The following ARHGAP26 variants were observed in gnomAD, a reference collection of about 807,000 sequenced individuals.
ARHGAP26 encodes rho GTPase-activating protein 26.
ARHGAP26 carries 38 observed loss-of-function variants against 104.8 expected under a neutral mutation model. The ratio of observed to expected loss-of-function variants is 0.36; its 90% CI spans 0.28 to 0.48. The LOEUF (loss-of-function observed/expected upper bound fraction) is 0.48, where lower values mean the gene tolerates loss of function less well. ARHGAP26 is among the 20% of genes least tolerant of loss of function. The pLI, the probability that ARHGAP26 is intolerant of heterozygous loss-of-function variation, is 0.99. For missense variants in ARHGAP26, 704 were observed against 947.9 expected (o/e 0.74, Z 3.38); for synonymous variants, 341 against 340.0 (o/e 1.00, Z -0.03).
chr5:142,912,424 A>G (rs1761952540), intron 9 of ARHGAP26, among the ~76,000 whole-genome samples: 2 of 152,200 alleles, frequency 1.3e-5, no homozygotes, highest in African/African-American at 4.8e-5. Flanking sequence ...GGAGGGATGG[A>G]TTGCCAGGGG....
In ARHGAP26 at chr5:142,807,992, T is replaced by C. The variant is rs372864388; in HGVS notation, c.154+37077T>C. On this transcript the variant is annotated intron_variant, in intron 1 of 22. Coordinates refer to ENST00000645722, the MANE Select transcript of ARHGAP26 (RefSeq NM_001135608.3). ...GGCTCACGCCTGTAATCCCAGCACT[T>C]TGGGAGGCCGAGGCGGGCGGATCAC... 8.6e-4 allele frequency among the ~76,000 whole-genome samples: 131 copies of C among 152,132 alleles called. No homozygotes were observed. In the South Asian group the frequency reaches 0.024, roughly 28 times the overall value.
At chr5:142,857,240 AT>A (rs1323250194) in intron 1 of ARHGAP26, among the ~76,000 whole-genome samples, 3 of 152,204 alleles carry the variant, frequency 2.0e-5, no homozygotes, top group African/African-American at 7.2e-5. Context: ...ATAAAGTCAC[AT>A]TCTGAGGTTC....
chr5:143,047,880 T>C (rs973870059), intron 14 of ARHGAP26, among the ~76,000 whole-genome samples: 1 of 151,962 alleles, frequency 6.6e-6, no homozygotes, highest in Admixed American at 6.6e-5. Flanking sequence ...GTGCAGTGGC[T>C]AAGTGTTGGC....
intron 11 of ARHGAP26, among the ~76,000 whole-genome samples, chr5:142,962,241 A>G (rs1410277761): frequency 1.3e-5 from 2 of 152,360 alleles, no homozygotes; most frequent in Non-Finnish European, 2.9e-5. Flanking sequence ...TTACCTTGAC[A>G]AATTTGAAAT....
chr5:142,997,576 ATT>A (rs34395064), intron 11 of ARHGAP26, among the ~76,000 whole-genome samples: 285 of 120,654 alleles, frequency 2.4e-3, no homozygotes, highest in East Asian at 6.9e-3. Flanking sequence ...TGCCTGGCTG[ATT>A]TTTTTTTTTT....
chr5:143,060,140 G>A (rs927514241), intron 17 of ARHGAP26, among the ~76,000 whole-genome samples: 1 of 152,172 alleles, frequency 6.6e-6, no homozygotes, highest in African/African-American at 2.4e-5. Context: ...GTTTTCTCAG[G>A]TTTAGACTTA....
intron 11 of ARHGAP26, among the ~76,000 whole-genome samples, chr5:142,987,223 T>A (rs996681352): frequency 6.6e-6 from 1 of 152,162 alleles, no homozygotes; most frequent in Non-Finnish European, 1.5e-5. Context: ...CCCTTGTAAG[T>A]TGGATTCCTA....
intron 13 of ARHGAP26, among the ~76,000 whole-genome samples, chr5:143,038,289 AAG>A (rs1315074249): frequency 2.0e-5 from 3 of 152,134 alleles, no homozygotes; most frequent in African/African-American, 7.2e-5. Context: ...AAGTAGAGGG[AAG>A]AGAGAGAATT....
In ARHGAP26 at chr5:143,037,191, T is replaced by C; in HGVS notation, c.1145-5T>C. On this transcript the variant is annotated splice_region_variant and splice_polypyrimidine_tract_variant and intron_variant, in intron 12 of 22. Coordinates refer to ENST00000645722, the MANE Select transcript of ARHGAP26 (RefSeq NM_001135608.3). ...AACTTGACTGTCCTTCTCTTGCTCT[T>C]TCAGCTGCGCAGTTGGACAGCATTG... is the stretch of plus-strand genomic sequence containing the variant. 6.3e-7 allele frequency: 1 copy of C among 1,599,170 alleles called. No homozygotes were observed. Among genetic ancestry groups the C allele is most frequent in the Non-Finnish European group, 8.6e-7 (1 of 1,168,692 alleles).
intron 20 of ARHGAP26, among the ~76,000 whole-genome samples, chr5:143,194,940 T>C (rs1334066064): frequency 6.6e-6 from 1 of 152,138 alleles, no homozygotes; most frequent in Non-Finnish European, 1.5e-5. Context: ...ATGGTCACGC[T>C]GAAGGAGCAG....
chr5:142,888,053 C>G (rs1393636715), intron 5 of ARHGAP26, among the ~76,000 whole-genome samples: 2 of 152,166 alleles, frequency 1.3e-5, no homozygotes, highest in African/African-American at 4.8e-5. Flanking sequence ...TCAATAGCAA[C>G]TATAATATAG....
At chr5:143,096,141 T>C (rs997492519) in intron 17 of ARHGAP26, among the ~76,000 whole-genome samples, 5 of 152,262 alleles carry the variant, frequency 3.3e-5, no homozygotes, top group African/African-American at 4.8e-5. Context: ...CTTTTACTTA[T>C]GCATGATTTT....
intron 1 of ARHGAP26, among the ~76,000 whole-genome samples, chr5:142,802,893 T>C (rs924863072): frequency 3.3e-5 from 5 of 152,126 alleles, no homozygotes; most frequent in African/African-American, 7.2e-5. Context: ...ACCTGTAAAG[T>C]AGAGAAAATA....
At chr5:142,847,822 G>A (rs1399237313) in intron 1 of ARHGAP26, among the ~76,000 whole-genome samples, 1 of 152,246 alleles carries the variant, frequency 6.6e-6, no homozygotes, top group Non-Finnish European at 1.5e-5. Flanking sequence ...TGGAGGTTTG[G>A]CCCATCTGGA....
At chr5:142,831,528 C>T (rs928533315) in intron 1 of ARHGAP26, among the ~76,000 whole-genome samples, 5 of 152,290 alleles carry the variant, frequency 3.3e-5, no homozygotes, top group South Asian at 2.1e-4. Context: ...ACATCCATTT[C>T]CAACTGCATG....
At chr5:142,813,166 C>T (rs1207849896) in intron 1 of ARHGAP26, among the ~76,000 whole-genome samples, 1 of 152,122 alleles carries the variant, frequency 6.6e-6, no homozygotes, top group African/African-American at 2.4e-5. Flanking sequence ...TGGTCTTGAT[C>T]TCCTGACCTC....
intron 2 of ARHGAP26, 54 bp downstream of exon 2, chr5:142,873,549 A>G (rs1038258366): frequency 5.5e-6 from 7 of 1,272,662 alleles, no homozygotes; most frequent in Non-Finnish European, 7.6e-6. Context: ...CATAGCCTTC[A>G]GTGTCCCAGC....
intron 12 of ARHGAP26, among the ~76,000 whole-genome samples, chr5:143,031,907 C>G (rs1329921210): frequency 6.6e-6 from 1 of 152,060 alleles, no homozygotes; most frequent in Non-Finnish European, 1.5e-5. Flanking sequence ...AGTAAGACAG[C>G]TAGTCTCTGG....
chr5:143,182,401 G>A (rs1159806056), intron 20 of ARHGAP26, among the ~76,000 whole-genome samples: 6 of 152,112 alleles, frequency 3.9e-5, no homozygotes, highest in African/African-American at 7.2e-5. Context: ...TATTTCACTC[G>A]TTTGTCTCTC....
Sources: gnomAD v4.1 joint callset for allele counts (sites outside exome capture counted in the v4.1 genomes callset) on GRCh38, gnomAD v4.1.1 for gene constraint, MANE v1.5 for transcripts, NCBI Gene and HGNC (gene_info 2026-07-23, HGNC 2026-07-21) for gene names.